The following RBFOX1 variants were observed in gnomAD, a reference collection of about 807,000 sequenced individuals.
RBFOX1 encodes RNA binding protein fox-1 homolog 1.
A neutral mutation model predicts 57.7 loss-of-function variants in RBFOX1; 8 were observed. The ratio of observed to expected loss-of-function variants is 0.14; its 90% CI spans 0.08 to 0.25. RBFOX1 has a LOEUF of 0.25. Ranked by LOEUF, RBFOX1 falls within the 10% of genes least tolerant of loss-of-function variation. RBFOX1 has a pLI of 1.00. For synonymous variants in RBFOX1, 326 were observed against 222.4 expected (o/e 1.47, Z -4.15); for missense variants, 611 against 548.5 (o/e 1.11, Z -1.14).
intron 3 of RBFOX1, among the ~76,000 whole-genome samples, chr16:7,011,704 G>T (rs2093661773): frequency 6.6e-6 from 1 of 152,094 alleles, no homozygotes; most frequent in Non-Finnish European, 1.5e-5. Context: ...TAGTAGAGAT[G>T]GGAGTTTCAC....
chr16:5,828,524 C>T (rs937154024), intron 3 of RBFOX1, among the ~76,000 whole-genome samples: 2 of 151,946 alleles, frequency 1.3e-5, no homozygotes, highest in African/African-American at 4.8e-5. Context: ...ATGGTGAAAC[C>T]CCATCTCTAC....
intron 3 of RBFOX1, among the ~76,000 whole-genome samples, chr16:6,957,395 C>A (rs143262849): frequency 3.4e-5 from 5 of 147,292 alleles, no homozygotes; most frequent in African/African-American, 1.1e-4. Flanking sequence ...TGCTGCGACT[C>A]ACGCTCAGCC....
At position 6,952,210 on chromosome 16, in the gene RBFOX1, A is replaced by C. The variant is rs552787990; in HGVS notation, c.-15-99847A>C. ...AAGGAATCCTTCACTGCTATCACTG[A>C]GATGAAAGAAAAAGAGTAGGACCTT... On this transcript the variant is annotated intron_variant, in intron 3 of 15. Coordinates refer to ENST00000550418, the MANE Select transcript of RBFOX1 (RefSeq NM_018723.4). Among the ~76,000 whole-genome samples the C allele has an allele frequency of 9.8e-5, 15 of 152,300 alleles. No homozygotes were observed. In the East Asian group the frequency reaches 2.5e-3, roughly 26 times the overall value.
rs573193318 is a variant in RBFOX1, at chr16:6,126,541, T to A, written c.-127+106549T>A. Among the ~76,000 whole-genome samples, 14 of 152,314 alleles carry A rather than the reference T, an allele frequency of 9.2e-5. 1 individual carries two copies. The South Asian group carries it at 2.7e-3, about 29-fold the overall frequency. ...ATCACAGACATAGTACATGGTAAAG[T>A]CAAGTTCCAAACTATCTTCCATATG... On this transcript the variant is annotated intron_variant, in intron 1 of 15. Coordinates refer to ENST00000550418, the MANE Select transcript of RBFOX1 (RefSeq NM_018723.4).
At chr16:6,966,992 T>A (rs766987259) in intron 3 of RBFOX1, among the ~76,000 whole-genome samples, 3 of 152,130 alleles carry the variant, frequency 2.0e-5, no homozygotes, top group Non-Finnish European at 2.9e-5. Flanking sequence ...CATCTACTTA[T>A]ACATCCCTCT....
rs1387434156 is a variant in RBFOX1, at chr16:6,256,902, G to GA, written c.-126-60091dup. 2.6e-5 allele frequency among the ~76,000 whole-genome samples: 4 copies of GA among 152,212 alleles called. No individual in the cohort carries two copies. The East Asian group carries it at 7.7e-4, about 29-fold the overall frequency. Reference sequence around the variant, plus strand: ...AAACCAGAAGCAAGAGGACCCCTTAGAAGGCTGTAGTAAAACTTAGGTGGA... The same window carrying GA: ...AAACCAGAAGCAAGAGGACCCCTTAGAAAGGCTGTAGTAAAACTTAGGTGGA... On this transcript the variant is annotated intron_variant, in intron 1 of 15. Coordinates refer to ENST00000550418, the MANE Select transcript of RBFOX1 (RefSeq NM_018723.4).
chr16:5,662,068 G>C (rs1364299907), intron 3 of RBFOX1, among the ~76,000 whole-genome samples: 1 of 152,130 alleles, frequency 6.6e-6, no homozygotes, highest in Non-Finnish European at 1.5e-5. Context: ...TTACAGGCAT[G>C]AGCTACCGCG....
At chr16:5,923,053 G>A (rs1025306461) in intron 4 of RBFOX1, among the ~76,000 whole-genome samples, 1 of 152,132 alleles carries the variant, frequency 6.6e-6, no homozygotes, top group Non-Finnish European at 1.5e-5. Context: ...CAAGGCCTTG[G>A]ATGGTTTTCA....
At chr16:7,304,202 CAGAGAGAGAGACAGAG>C (rs1297405853) in intron 4 of RBFOX1, 783 of 934,720 alleles carry the variant, frequency 8.4e-4, no homozygotes, top group Non-Finnish European at 8.9e-4. Context: ...GGGAGAGAGA[CAGAGAGAGAGACAGAG>C]AGAGAGAGAG....
chr16:6,903,823 A>C (rs2069084658), intron 3 of RBFOX1, among the ~76,000 whole-genome samples: 1 of 152,178 alleles, frequency 6.6e-6, no homozygotes, highest in Non-Finnish European at 1.5e-5. Flanking sequence ...TTGCATCCCC[A>C]ACAGGCGGGC....
chr16:6,943,250 A>G (rs772888104), intron 3 of RBFOX1, among the ~76,000 whole-genome samples: 2 of 152,248 alleles, frequency 1.3e-5, no homozygotes, highest in African/African-American at 4.8e-5. Flanking sequence ...CCAGCAGTCA[A>G]TGACTGATCA....
At position 6,939,992 on chromosome 16, in the gene RBFOX1, C is replaced by A. The variant is rs369361574; in HGVS notation, c.-15-112065C>A. Among the ~76,000 whole-genome samples the A allele has an allele frequency of 1.2e-4, 18 of 152,238 alleles. 1 individual carries two copies. In the South Asian group the frequency reaches 3.5e-3, roughly 30 times the overall value. Reference sequence around the variant, plus strand: ...TTAAAGTTTGTATAATTTATATCATCCATAGCACTTTGAAAAGGCACAGGT... The same window carrying A: ...TTAAAGTTTGTATAATTTATATCATACATAGCACTTTGAAAAGGCACAGGT... On this transcript the variant is annotated intron_variant, in intron 3 of 15. Coordinates refer to ENST00000550418, the MANE Select transcript of RBFOX1 (RefSeq NM_018723.4).
chr16:5,801,147 A>G (rs2055042893), intron 3 of RBFOX1, among the ~76,000 whole-genome samples: 1 of 152,198 alleles, frequency 6.6e-6, no homozygotes, highest in Non-Finnish European at 1.5e-5. Context: ...ACAGAAATGC[A>G]GTGGGCCATT....
intron 1 of RBFOX1, among the ~76,000 whole-genome samples, chr16:5,352,088 G>A (rs1476435074): frequency 6.6e-6 from 1 of 152,136 alleles, no homozygotes; most frequent in Middle Eastern, 3.2e-3. Flanking sequence ...TTACAGGGGT[G>A]AGCCACTGCG....
chr16:7,538,920 A>G (rs923670744), intron 5 of RBFOX1, among the ~76,000 whole-genome samples: 9 of 135,826 alleles, frequency 6.6e-5, no homozygotes, highest in East Asian at 4.4e-4. Flanking sequence ...ATGGAGTTCT[A>G]TGGTCAATGA....
At chr16:5,881,209 T>C (rs8050728) in intron 4 of RBFOX1, among the ~76,000 whole-genome samples, 59,743 of 152,026 alleles carry the variant, frequency 0.39, 12,173 homozygotes, top group African/African-American at 0.49. Flanking sequence ...TGAACTGTCT[T>C]CTGATTCTAG....
In RBFOX1 at chr16:6,721,909, G is replaced by C. The variant is rs76991918; in HGVS notation, c.-16+67259G>C. 775 of 146,860 alleles carry C rather than the reference G, an allele frequency of 5.3e-3. 10 individuals are homozygous for C. The highest frequency in any genetic ancestry group is 0.019 in the African/African-American group (719 of 38,306). 9.1% of individuals were successfully genotyped at this position (146,860 alleles called of 1,614,324 possible). A position where few individuals can be genotyped will look rare whatever the true frequency, so the allele number is the denominator to read the frequency against. ...CCCCCAAAATAACGAGACCTCACCT[G>C]GCCTCTGCATTTCCACATCCCTGCT... On this transcript the variant is annotated intron_variant, in intron 3 of 15. Coordinates refer to ENST00000550418, the MANE Select transcript of RBFOX1 (RefSeq NM_018723.4).
chr16:5,908,934 T>C (rs1004488894), intron 4 of RBFOX1, among the ~76,000 whole-genome samples: 2 of 151,912 alleles, frequency 1.3e-5, no homozygotes, highest in African/African-American at 4.8e-5. Context: ...TGGCTGTCTG[T>C]CAACAGGGGA....
chr16:6,970,452 T>C (rs2085284747), intron 3 of RBFOX1, among the ~76,000 whole-genome samples: 1 of 152,156 alleles, frequency 6.6e-6, no homozygotes, highest in African/African-American at 2.4e-5. Context: ...GCCTGGGTAA[T>C]GTATCAACAA....
Sources: gnomAD v4.1 joint callset for allele counts (sites outside exome capture counted in the v4.1 genomes callset) on GRCh38, gnomAD v4.1.1 for gene constraint, MANE v1.5 for transcripts, NCBI Gene and HGNC (gene_info 2026-07-23, HGNC 2026-07-21) for gene names.